The following RNF38 variants were observed in gnomAD, a reference collection of about 807,000 sequenced individuals.
The protein encoded by RNF38 is ring finger protein 38, also known as E3 ubiquitin-protein ligase RNF38.
RNF38 carries 15 observed loss-of-function variants against 67.2 expected under a neutral mutation model. The observed-to-expected ratio is 0.22, with a 90% CI of 0.15 to 0.34. The LOEUF is 0.34. Among genes scored for constraint, RNF38 ranks in the 10% least tolerant of loss-of-function variants. The probability of loss-of-function intolerance (pLI) is 1.00; values close to 1 mark genes in which losing one functional copy is unlikely to be tolerated. For synonymous variants in RNF38, 220 were observed against 218.8 expected (o/e 1.01, Z -0.05); for missense variants, 524 against 639.9 (o/e 0.82, Z 1.95).
At chr9:36,368,084 C>T (rs781702396) in intron 4 of RNF38, among the ~76,000 whole-genome samples, 1 of 152,128 alleles carries the variant, frequency 6.6e-6, no homozygotes, top group Non-Finnish European at 1.5e-5. Flanking sequence ...AACTCCTGGG[C>T]CTCAGGTGAT....
chr9:36,358,042 A>G (rs1276995490), intron 4 of RNF38, 100 bp from the exon 5 acceptor site: 1 of 916,882 alleles, frequency 1.1e-6, no homozygotes, highest in African/African-American at 1.6e-5. Flanking sequence ...TCTCTCAGCT[A>G]CACGGATTTT....
chr9:36,464,727 G>A (rs545380261), intron 1 of RNF38, among the ~76,000 whole-genome samples: 1 of 152,160 alleles, frequency 6.6e-6, no homozygotes, highest in South Asian at 2.1e-4. Flanking sequence ...GGAAGGAAAT[G>A]GCAAAACAAG....
chr9:36,369,258 G>A (rs1228956061), intron 4 of RNF38, among the ~76,000 whole-genome samples: 2 of 151,572 alleles, frequency 1.3e-5, no homozygotes, highest in South Asian at 4.2e-4. Flanking sequence ...TTAATTTTTT[G>A]AGACGAAGTC....
chr9:36,351,671 T>G (rs939096882), intron 8 of RNF38, among the ~76,000 whole-genome samples: 1 of 152,200 alleles, frequency 6.6e-6, no homozygotes, highest in African/African-American at 2.4e-5. Flanking sequence ...GGAAAAACTA[T>G]GACCACAGTG....
intron 1 of RNF38, among the ~76,000 whole-genome samples, chr9:36,432,751 C>G (rs957293588): frequency 3.3e-5 from 5 of 152,034 alleles, no homozygotes; most frequent in African/African-American, 1.2e-4. Context: ...CGAGATCCAG[C>G]CTGGTGACAC....
chr9:36,418,616 T>C (rs1029495038), intron 2 of RNF38, among the ~76,000 whole-genome samples: 2 of 151,554 alleles, frequency 1.3e-5, no homozygotes, highest in Non-Finnish European at 2.9e-5. Context: ...TGAAACCCTA[T>C]CTCTACTAAA....
At chr9:36,356,627 T>C (rs1834123498) in intron 5 of RNF38, among the ~76,000 whole-genome samples, 154 bp from the exon 6 acceptor site, 1 of 152,124 alleles carries the variant, frequency 6.6e-6, no homozygotes, top group Non-Finnish European at 1.5e-5. Context: ...ACCAGTGTAT[T>C]TTTTAATCTA....
chr9:36,356,413 T>G lies in RNF38; in HGVS notation c.799A>C (p.Ile267Leu). ...TGTATAAGAAATGGATCACTAGAAA[T>G]AAGGGGTGGGAATGCAGCATATGGT... ...PVPYAAFPPL[I>L]SSDPFLIHPP... The change falls in exon 6 of 12, where the codon ATT becomes CTT. Residue 267 changes from isoleucine to leucine, a missense_variant. Ile to Leu is a conservative substitution (Grantham distance 5). This residue lies in a region of RNF38 where 461 missense variants were observed against 517.4 expected (regional missense o/e 0.89). Coordinates refer to ENST00000259605, the MANE Select transcript of RNF38 (RefSeq NM_022781.5). 6.2e-7 allele frequency: 1 copy of G among 1,613,648 alleles called. No individual in the cohort carries two copies. Among genetic ancestry groups the G allele is most frequent in the Non-Finnish European group, 8.5e-7 (1 of 1,179,878 alleles).
chr9:36,467,591 T>C (rs1417227788), intron 1 of RNF38, among the ~76,000 whole-genome samples: 1 of 152,156 alleles, frequency 6.6e-6, no homozygotes, highest in Non-Finnish European at 1.5e-5. Context: ...GGTCAGGCCA[T>C]TTGGGATATA....
intron 1 of RNF38, among the ~76,000 whole-genome samples, chr9:36,397,032 CGTATAT>C: frequency 7.0e-6 from 1 of 142,930 alleles, no homozygotes; most frequent in African/African-American, 2.6e-5. Context: ...TGTGTATATA[CGTATAT>C]ACGTATATAC....
chr9:36,429,623 G>C (rs1231423480), intron 1 of RNF38, among the ~76,000 whole-genome samples: 2 of 152,012 alleles, frequency 1.3e-5, no homozygotes, highest in Non-Finnish European at 2.9e-5. Context: ...ATGAAACCCT[G>C]CCTTTATTAA....
Position 36,352,882 on chromosome 9 carries a change from C to T in RNF38, c.1072-34G>A, listed in dbSNP as rs747407250. On this transcript the variant is annotated intron_variant, in intron 7 of 11. Coordinates refer to ENST00000259605, the MANE Select transcript of RNF38 (RefSeq NM_022781.5). ...GGAAAAATGTTAAGATTTAGAATCA[C>T]TCTACGTTTACAAATAGCCTGTCAA... is the stretch of plus-strand genomic sequence containing the variant. The T allele has an allele frequency of 3.6e-5, 52 of 1,432,332 alleles. No individual in the cohort carries two copies. The South Asian group carries it at 5.7e-4, about 16-fold the overall frequency. The allele number at this position is 1,432,332 out of a possible 1,614,324, so 88.7% of individuals were successfully genotyped here. A position where few individuals can be genotyped will look rare whatever the true frequency, so the allele number is the denominator to read the frequency against.
intron 2 of RNF38, among the ~76,000 whole-genome samples, chr9:36,385,535 C>T (rs1328620996): frequency 6.6e-6 from 1 of 152,098 alleles, no homozygotes; most frequent in African/African-American, 2.4e-5. Flanking sequence ...TGTGCCACCA[C>T]ATCCGGATAA....
chr9:36,462,154 T>C (rs939538256), intron 1 of RNF38, among the ~76,000 whole-genome samples: 2 of 152,216 alleles, frequency 1.3e-5, no homozygotes, highest in Non-Finnish European at 2.9e-5. Flanking sequence ...GAATATCCAC[T>C]GGTTTGGCAA....
At chr9:36,341,803 T>G (rs1832855774) in intron 11 of RNF38, among the ~76,000 whole-genome samples, 1 of 42,486 alleles carries the variant, frequency 2.4e-5, no homozygotes. Context: ...AATATATATA[T>G]ATATATATAT....
At chr9:36,414,723 T>C (rs1015911608) in intron 2 of RNF38, among the ~76,000 whole-genome samples, 1 of 152,140 alleles carries the variant, frequency 6.6e-6, no homozygotes, top group African/African-American at 2.4e-5. Context: ...GAACTCCTTT[T>C]AGCAGTTCCT....
In RNF38 at chr9:36,386,325, T is replaced by C. The variant is rs976228241; in HGVS notation, c.162+4142A>G. ...TCTTCCATATGAATTTAAAAACAATTCTGAAAGCTCTAAAAACAAAATTCT... is the reference window on the plus strand; with the variant it reads ...TCTTCCATATGAATTTAAAAACAATCCTGAAAGCTCTAAAAACAAAATTCT... On this transcript the variant is annotated intron_variant, in intron 2 of 11. Coordinates refer to ENST00000259605, the MANE Select transcript of RNF38 (RefSeq NM_022781.5). Among the ~76,000 whole-genome samples, 3 of 152,234 alleles carry C rather than the reference T, an allele frequency of 2.0e-5. No homozygotes were observed. The South Asian group carries it at 6.2e-4, about 31-fold the overall frequency.
chr9:36,483,134 C>T (rs925202176), intron 1 of RNF38, among the ~76,000 whole-genome samples: 1 of 152,286 alleles, frequency 6.6e-6, no homozygotes, highest in African/African-American at 2.4e-5. Flanking sequence ...CGCGTGTAAT[C>T]CCAACACTTT....
chr9:36,431,726 A>G (rs1007439709), intron 1 of RNF38, among the ~76,000 whole-genome samples: 2 of 152,150 alleles, frequency 1.3e-5, no homozygotes, highest in African/African-American at 2.4e-5. Flanking sequence ...GGCATGACTG[A>G]TAAAAATCAT....
Sources: gnomAD v4.1 joint callset for allele counts (sites outside exome capture counted in the v4.1 genomes callset) on GRCh38, gnomAD v4.1.1 for gene constraint, gnomAD v4.1.1 regional missense constraint, MANE v1.5 for transcripts, NCBI Gene and HGNC (gene_info 2026-07-23, HGNC 2026-07-21) for gene names.